GOLGA6L9: variants seen among roughly 807,000 people sequenced by gnomAD.
GOLGA6L9 encodes the protein golgin subfamily A member 6-like protein 9.
A neutral mutation model predicts 51.3 loss-of-function variants in GOLGA6L9; 19 were observed. The observed-to-expected ratio is 0.37, with a 90% CI of 0.26 to 0.54. The LOEUF (loss-of-function observed/expected upper bound fraction) is 0.54. Among genes scored for constraint, GOLGA6L9 ranks in the 20% least tolerant of loss-of-function variants. GOLGA6L9 has a pLI of 0.83. For missense variants in GOLGA6L9, 247 were observed against 464.1 expected, an observed-to-expected ratio of 0.53 and a Z score of 4.30; for synonymous variants, 97 against 184.2, an observed-to-expected ratio of 0.53 and a Z score of 3.83.
At chr15:82,433,884 G>A in intron 5 of GOLGA6L9, 150 bp from the exon 6 acceptor site, 1 of 1,145,324 alleles carries the variant, frequency 8.7e-7, no homozygotes, top group Non-Finnish European at 1.2e-6. Context: ...AAAGTGACTT[G>A]GAAGATTGTC....
chr15:82,429,436 A>C (rs1275415250), upstream of GOLGA6L9, among the ~76,000 whole-genome samples: 2 of 132,384 alleles, frequency 1.5e-5, no homozygotes, highest in Non-Finnish European at 3.2e-5. Flanking sequence ...AAATCTTAAC[A>C]ATAATGTAGG....
At chr15:82,429,247 G>C (rs1567130159), upstream of GOLGA6L9, among the ~76,000 whole-genome samples, 1 of 151,778 alleles carries the variant, frequency 6.6e-6, no homozygotes, top group South Asian at 2.1e-4. Context: ...GTTAGTTTTT[G>C]TATTTTTAGT....
Position 82,432,865 on chromosome 15 carries a change from A to G in GOLGA6L9, c.313A>G (p.Ile105Val), listed in dbSNP as rs1218865286. 12 of 1,612,240 alleles carry G rather than the reference A, an allele frequency of 7.4e-6. No individual in the cohort carries two copies. The Admixed American group carries it at 2.0e-4, about 27-fold the overall frequency. ...AVALDSSSAI[I>V]SQLTENINSL... ...AGCCCTGGATTCAAGCTCCGCAATA[A>G]TCAGTCAACTCACTGAAAACATCAA... Residue 105 changes from isoleucine to valine, a missense_variant, in exon 4 of 9, where the codon ATC becomes GTC. By Grantham distance (29) the Ile-to-Val change is conservative (BLOSUM62 3). This residue lies in a region of GOLGA6L9 where 74 missense variants were observed against 91.2 expected (regional missense o/e 0.81). Transcript: ENST00000618348.
At chr15:82,425,782 T>C (rs2031201971), upstream of GOLGA6L9, among the ~76,000 whole-genome samples, 1 of 119,396 alleles carries the variant, frequency 8.4e-6, no homozygotes, top group Admixed American at 8.8e-5. Flanking sequence ...TCACATATAT[T>C]GTGTGTGTTT....
chr15:82,429,599 T>G (rs1318138418), upstream of GOLGA6L9, among the ~76,000 whole-genome samples: 18 of 152,276 alleles, frequency 1.2e-4, no homozygotes, highest in East Asian at 2.5e-3. Context: ...AGGTAATACT[T>G]GTAATTCTTG....
At chr15:82,432,536 A>G (rs2031450058) in intron 2 of GOLGA6L9, 36 bp from the exon 3 acceptor site, 2 of 1,594,672 alleles carry the variant, frequency 1.3e-6, no homozygotes, top group Non-Finnish European at 8.5e-7. Context: ...GTGAGGGGGG[A>G]CAGAACATCT....
chr15:82,433,284 G>A (rs2150828178), intron 4 of GOLGA6L9, among the ~76,000 whole-genome samples: 1 of 152,096 alleles, frequency 6.6e-6, no homozygotes, highest in African/African-American at 2.4e-5. Context: ...AGGAGGTAGA[G>A]AGTATCAAAG....
chr15:82,433,198 C>T (rs1315464992), intron 4 of GOLGA6L9, among the ~76,000 whole-genome samples: 2 of 150,926 alleles, frequency 1.3e-5, no homozygotes, highest in African/African-American at 2.4e-5. Flanking sequence ...GGTCCATATT[C>T]CTGCCCTGCC....
chr15:82,418,695 A>G, the GOLGA6L9 span: 1 of 152,246 alleles, frequency 6.6e-6, no homozygotes, highest in Non-Finnish European at 1.5e-5. Context: ...GGAGTCCCAG[A>G]GAGGAGCCAC....
chr15:82,417,207 A>T, the GOLGA6L9 span, among the ~76,000 whole-genome samples: 5 of 152,086 alleles, frequency 3.3e-5, no homozygotes, highest in African/African-American at 7.2e-5. Flanking sequence ...TGACAACTGA[A>T]TTTTTTTTAA....
upstream of GOLGA6L9, among the ~76,000 whole-genome samples, chr15:82,429,114 A>G (rs878909819): frequency 8.1e-3 from 1,231 of 151,512 alleles, 17 homozygotes; most frequent in African/African-American, 0.027. Flanking sequence ...TTGCTCTGTC[A>G]CCCAGGCTGG....
intron 4 of GOLGA6L9, among the ~76,000 whole-genome samples, chr15:82,433,210 C>T (rs2031489822): frequency 6.6e-6 from 1 of 151,594 alleles, no homozygotes; most frequent in East Asian, 2.0e-4. Context: ...TGCCCTGCCT[C>T]AGTCCCTAAT....
chr15:82,418,750 A>G, the GOLGA6L9 span: 1 of 152,232 alleles, frequency 6.6e-6, no homozygotes. Flanking sequence ...GATAAGAACA[A>G]TTTCAACCAT....
the GOLGA6L9 span, among the ~76,000 whole-genome samples, chr15:82,421,803 CAAA>C: frequency 3.4e-4 from 1 of 2,952 alleles, no homozygotes; most frequent in Non-Finnish European, 4.9e-4. Context: ...CCAACACCAC[CAAA>C]AAAAAAAAAA....
the GOLGA6L9 span, among the ~76,000 whole-genome samples, chr15:82,419,722 G>T: frequency 6.6e-6 from 1 of 152,106 alleles, no homozygotes; most frequent in Non-Finnish European, 1.5e-5. Context: ...ATTGTGCTTG[G>T]TGCTGAATTT....
At chr15:82,421,803 CAAAAA>C in the GOLGA6L9 span, among the ~76,000 whole-genome samples, 23 of 2,952 alleles carry the variant, frequency 7.8e-3, no homozygotes, top group Non-Finnish European at 8.9e-3. Flanking sequence ...CCAACACCAC[CAAAAA>C]AAAAAAAAAA....
At chr15:82,419,769 G>A in the GOLGA6L9 span, among the ~76,000 whole-genome samples, 2 of 152,176 alleles carry the variant, frequency 1.3e-5, no homozygotes, top group Admixed American at 1.3e-4. Flanking sequence ...CTTTATTTAA[G>A]GTTTTAATTT....
chr15:82,428,903 T>C (rs1188861396), upstream of GOLGA6L9, among the ~76,000 whole-genome samples: 6 of 147,248 alleles, frequency 4.1e-5, no homozygotes, highest in East Asian at 2.0e-4. Context: ...GTTTTCATGA[T>C]TGCAAGTCAT....
rs1322692835 is a variant in GOLGA6L9, at chr15:82,435,426, A to T, written c.1063+497A>T. The T allele has an allele frequency of 2.0e-4, 51 of 251,942 alleles. 1 individual carries two copies. In the East Asian group the frequency reaches 5.9e-3, roughly 29 times the overall value. The allele number at this position is 251,942 out of a possible 1,614,324, so 15.6% of individuals were successfully genotyped here. A position where few individuals can be genotyped will look rare whatever the true frequency, so the allele number is the denominator to read the frequency against. On this transcript the variant is annotated intron_variant, in intron 7 of 8. Transcript: ENST00000618348. ...GAGGCTGAGACACGAGAATCACTTG[A>T]GCCCGGGAGATGAAGGTTGCAGTGA...
Sources: gnomAD v4.1 joint callset for allele counts (sites outside exome capture counted in the v4.1 genomes callset) on GRCh38, gnomAD v4.1.1 for gene constraint, gnomAD v4.1.1 regional missense constraint, MANE v1.5 for transcripts, NCBI Gene and HGNC (gene_info 2026-07-23, HGNC 2026-07-21) for gene names.